Variants in NLRP14 observed in about 807,000 individuals in gnomAD.
NLRP14 encodes NLR family pyrin domain containing 14.
In NLRP14, 105 loss-of-function variants were observed where a neutral mutation model predicts 94.7. That is an observed-to-expected ratio of 1.11 (90% CI 0.95 to 1.30). The LOEUF (loss-of-function observed/expected upper bound fraction) is 1.30. Among genes scored for constraint, NLRP14 ranks in the 50% most tolerant of loss-of-function variants. The pLI is 0.00. For missense variants in NLRP14, 1,362 were observed against 1,254.1 expected (o/e 1.09, Z -1.30); for synonymous variants, 508 against 459.9 (o/e 1.10, Z -1.34).
In NLRP14 at chr11:7,038,799, C is replaced by T. The variant is rs771522115; in HGVS notation, c.213C>T (p.Ala71=). Residue 71 remains alanine (A), a synonymous_variant, in exon 2 of 12, where the codon GCC becomes GCT. Coordinates refer to ENST00000299481, the MANE Select transcript of NLRP14 (RefSeq NM_176822.4). The part of the protein sequence containing the change: ...LMKKYYPGEK[A]WSVSLKIFGK... The stretch of plus-strand genomic sequence containing the variant: ...AGAAATATTATCCAGGAGAGAAAGC[C>T]TGGAGTGTGTCTCTCAAAATCTTTG... The T allele has an allele frequency of 1.4e-5, 23 of 1,613,010 alleles. No individual in the cohort carries two copies. Among genetic ancestry groups the T allele is most frequent in the South Asian group, 3.3e-5 (3 of 90,764 alleles).
intron 5 of NLRP14, among the ~76,000 whole-genome samples, chr11:7,049,153 G>T (rs1287610886): frequency 1.3e-5 from 2 of 152,122 alleles, no homozygotes; most frequent in African/African-American, 4.8e-5. Flanking sequence ...ACTGAGTTAG[G>T]AGGTAGAAAG....
downstream of NLRP14, among the ~76,000 whole-genome samples, chr11:7,073,080 C>T (rs1206668784): frequency 6.6e-6 from 1 of 152,172 alleles, no homozygotes; most frequent in Non-Finnish European, 1.5e-5. Context: ...CTTAGGGCCT[C>T]TCCATGTGGT....
intron 6 of NLRP14, among the ~76,000 whole-genome samples, 196 bp from the exon 7 acceptor site, chr11:7,057,481 A>G (rs1219686736): frequency 2.6e-5 from 4 of 151,940 alleles, no homozygotes; most frequent in Admixed American, 1.3e-4. Flanking sequence ...GTGATAAACA[A>G]TCTCCTTCCC....
At chr11:7,051,885 T>G (rs1274214165) in intron 6 of NLRP14, among the ~76,000 whole-genome samples, 1 of 152,190 alleles carries the variant, frequency 6.6e-6, no homozygotes, top group Non-Finnish European at 1.5e-5. Flanking sequence ...CCTCCCAAAG[T>G]GCTGGGATTA....
intron 10 of NLRP14, among the ~76,000 whole-genome samples, chr11:7,069,671 G>T (rs1330228416): frequency 6.6e-6 from 1 of 151,792 alleles, no homozygotes; most frequent in Non-Finnish European, 1.5e-5. Flanking sequence ...CTATAGCTCA[G>T]GCTGGAATGC....
chr11:7,086,265 C>G, the NLRP14 span, among the ~76,000 whole-genome samples: 1 of 152,160 alleles, frequency 6.6e-6, no homozygotes, highest in African/African-American at 2.4e-5. Flanking sequence ...AAGATTATTA[C>G]ATTTTCTTCA....
intron 1 of NLRP14, among the ~76,000 whole-genome samples, chr11:7,036,327 G>A (rs7119719): frequency 0.63 from 95,067 of 152,090 alleles, 30,706 homozygotes; most frequent in East Asian, 0.86. Flanking sequence ...TTCCTTCGAG[G>A]ACAGCGTAAA....
rs1466604958 is a variant in NLRP14 at position 7,042,547 on chromosome 11, C to T, written c.521C>T (p.Ala174Val). The change falls in exon 4 of 12, where the codon GCA becomes GTA. Residue 174 changes from alanine to valine, a missense_variant. By Grantham distance (64) the Ala-to-Val change is moderately conservative. Coordinates refer to ENST00000299481, the MANE Select transcript of NLRP14 (RefSeq NM_176822.4). ...HLFDVDVKTG[A>V]QPQIVVLQGA... ...TTCGATGTGGATGTCAAAACCGGTG[C>T]ACAGCCACAGATCGTGGTGCTTCAG... is the stretch of plus-strand genomic sequence containing the variant. The T allele has an allele frequency of 3.1e-6, 5 of 1,614,150 alleles. No individual in the cohort carries two copies. The highest frequency in any genetic ancestry group is 4.2e-6 in the Non-Finnish European group (5 of 1,179,988).
intron 10 of NLRP14, 113 bp from the exon 11 acceptor site, chr11:7,070,173 T>C: frequency 1.3e-6 from 1 of 753,478 alleles, no homozygotes; most frequent in Non-Finnish European, 2.3e-6. Context: ...CTAACTGTGC[T>C]CATTTTTTAA....
Position 7,038,738 on chromosome 11 carries a change from A to G in NLRP14, c.152A>G (p.Lys51Arg), listed in dbSNP as rs114824825. ...GGCCTGACACCCTGGAATGAAGTGA[A>G]GAAGGCCAGGCGGGAGGACCTGGCC... is the stretch of plus-strand genomic sequence containing the variant. Reference protein sequence around the residue: ...EHGLTPWNEVKKARREDLANL... With the variant: ...EHGLTPWNEVRKARREDLANL... The change falls in exon 2 of 12, where the codon AAG becomes AGG. Residue 51 changes from lysine (K) to arginine (R), a missense_variant. By Grantham distance (26) the Lys-to-Arg change is conservative. Transcript: ENST00000299481. 8.5e-4 allele frequency: 1,375 copies of G among 1,614,126 alleles called. 12 individuals are homozygous for G. The African/African-American group carries it at 0.015, about 17-fold the overall frequency.
chr11:7,075,848 G>C (rs188294134), downstream of NLRP14, among the ~76,000 whole-genome samples: 344 of 152,296 alleles, frequency 2.3e-3, no homozygotes, highest in African/African-American at 8.0e-3. Context: ...GATGCAGATA[G>C]CTTTGATCAT....
At chr11:7,042,358 T>G in intron 3 of NLRP14, 30 bp from the exon 4 acceptor site, 10 of 1,598,250 alleles carry the variant, frequency 6.3e-6, no homozygotes, top group Non-Finnish European at 8.6e-6. Flanking sequence ...TCTTTGTTTT[T>G]GTTTTTTTAC....
At chr11:7,070,483 G>T in intron 11 of NLRP14, 27 bp downstream of exon 11, 1 of 1,564,884 alleles carries the variant, frequency 6.4e-7, no homozygotes, top group East Asian at 2.2e-5. Context: ...TTCTCAGGGG[G>T]AGCATTTCCT....
intron 8 of NLRP14, among the ~76,000 whole-genome samples, chr11:7,059,053 A>G (rs545627271): frequency 2.0e-5 from 3 of 152,080 alleles, no homozygotes; most frequent in African/African-American, 7.2e-5. Context: ...TTAATTAAAT[A>G]GTTGAAAAGT....
chr11:7,057,643 G>A lies in NLRP14; in HGVS notation c.2292-34G>A, dbSNP rs1279665041. 4.4e-6 allele frequency: 7 copies of A among 1,595,836 alleles called. No homozygotes were observed. The South Asian group carries it at 7.7e-5, about 18-fold the overall frequency. On this transcript the variant is annotated intron_variant, in intron 6 of 11. Transcript: ENST00000299481. ...GTTGGTTGTAATTATTCTCTAAGGA[G>A]TGGTCATTCCTGCTTTTCTGTGTTG...
At chr11:7,036,657 G>A (rs917673264) in intron 1 of NLRP14, among the ~76,000 whole-genome samples, 3 of 152,118 alleles carry the variant, frequency 2.0e-5, no homozygotes, top group Non-Finnish European at 4.4e-5. Flanking sequence ...ATCCCAAAAT[G>A]CCCCTTGAGT....
At chr11:7,046,251 G>A (rs1037650083) in intron 4 of NLRP14, among the ~76,000 whole-genome samples, 32 of 152,204 alleles carry the variant, frequency 2.1e-4, no homozygotes, top group Admixed American at 7.2e-4. Flanking sequence ...TGGTAGACCT[G>A]GGGCTCAGGC....
intron 4 of NLRP14, among the ~76,000 whole-genome samples, 190 bp downstream of exon 4, chr11:7,044,174 CA>C (rs773576012): frequency 6.6e-6 from 1 of 152,084 alleles, no homozygotes; most frequent in Non-Finnish European, 1.5e-5. Context: ...GAGGAGTGGG[CA>C]AAAACTTTCC....
intron 4 of NLRP14, among the ~76,000 whole-genome samples, chr11:7,045,372 C>A (rs1261354480): frequency 6.6e-6 from 1 of 152,086 alleles, no homozygotes; most frequent in Non-Finnish European, 1.5e-5. Flanking sequence ...GCTAGCTTTC[C>A]TTACCTATGT....
Sources: gnomAD v4.1 joint callset for allele counts (sites outside exome capture counted in the v4.1 genomes callset) on GRCh38, gnomAD v4.1.1 for gene constraint, MANE v1.5 for transcripts, NCBI Gene and HGNC (gene_info 2026-07-23, HGNC 2026-07-21) for gene names.